Variants in ZNF841 observed in about 807,000 individuals in gnomAD.
ZNF841 encodes TCONS_00006091.
ZNF841 carries 11 observed loss-of-function variants against 13.0 expected under a neutral mutation model. That is an observed-to-expected ratio of 0.85 (90% CI 0.53 to 1.40). ZNF841 has a LOEUF of 1.40. Ranked by LOEUF, ZNF841 falls within the 40% of genes most tolerant of loss-of-function variation. The pLI, the probability that ZNF841 is intolerant of heterozygous loss-of-function variation, is 0.00. For missense variants in ZNF841, 1,068 were observed against 1,139.5 expected (o/e 0.94, Z 0.90); for synonymous variants, 369 against 381.6 (o/e 0.97, Z 0.38).
At chr19:52,067,821 G>A (rs2087630406) in intron 6 of ZNF841, among the ~76,000 whole-genome samples, 2 of 152,072 alleles carry the variant, frequency 1.3e-5, no homozygotes, top group Non-Finnish European at 1.5e-5. Context: ...TTTTAGGAAA[G>A]CCTAGTTTCA....
At chr19:52,087,615 A>G (rs1321415678) in intron 3 of ZNF841, among the ~76,000 whole-genome samples, 2 of 152,200 alleles carry the variant, frequency 1.3e-5, no homozygotes, top group East Asian at 1.9e-4. Flanking sequence ...GCCAGAATGA[A>G]GTCTCTTGTG....
chr19:52,059,995 C>T (rs2087371824), downstream of ZNF841, among the ~76,000 whole-genome samples: 1 of 152,188 alleles, frequency 6.6e-6, no homozygotes, highest in Non-Finnish European at 1.5e-5. Context: ...TACATTAGGT[C>T]AGCACCAAGC....
intron 6 of ZNF841, among the ~76,000 whole-genome samples, chr19:52,072,774 G>A (rs549872902): frequency 2.0e-5 from 3 of 152,210 alleles, no homozygotes; most frequent in African/African-American, 7.2e-5. Context: ...AGCCGAGATT[G>A]CACCACTGCA....
At position 52,065,029 on chromosome 19, in the gene ZNF841, A is replaced by G; in HGVS notation, c.*78T>C. The stretch of plus-strand genomic sequence containing the variant: ...CACCTCCCACTAGGCTCCACCTCCA[A>G]TACTGGAGATTACTACAATTCCACA... On this transcript the variant is annotated 3_prime_UTR_variant, in exon 7 of 7. Transcript: ENST00000594440. 7.7e-7 allele frequency: 1 copy of G among 1,293,242 alleles called. No individual in the cohort carries two copies. 80.1% of individuals were successfully genotyped at this position (1,293,242 alleles called of 1,614,324 possible). A position where few individuals can be genotyped will look rare whatever the true frequency, so the allele number is the denominator to read the frequency against.
chr19:52,075,442 C>G (rs17835749), intron 6 of ZNF841, among the ~76,000 whole-genome samples: 22,731 of 152,102 alleles, frequency 0.15, 2,192 homozygotes, highest in East Asian at 0.38. Context: ...TCAGGAGACC[C>G]AACTCATTCC....
At chr19:52,074,621 A>T (rs56808319) in intron 6 of ZNF841, among the ~76,000 whole-genome samples, 22,399 of 152,036 alleles carry the variant, frequency 0.15, 2,181 homozygotes, top group East Asian at 0.38. Context: ...GATTTGAGAG[A>T]TTCTCCTGCC....
chr19:52,093,222 ATG>A (rs756912859), intron 2 of ZNF841, among the ~76,000 whole-genome samples: 11 of 152,346 alleles, frequency 7.2e-5, no homozygotes, highest in Non-Finnish European at 1.5e-4. Flanking sequence ...ATGAATAAAT[ATG>A]TGTGTATATA....
At chr19:52,078,614 G>A (rs2087987685) in intron 4 of ZNF841, among the ~76,000 whole-genome samples, 1 of 150,254 alleles carries the variant, frequency 6.7e-6, no homozygotes, top group Admixed American at 6.7e-5. Context: ...CAGGAGAATG[G>A]CATGAACCCG....
rs1395618746 is a variant in ZNF841 at position 52,077,076 on chromosome 19, C to T, written c.24G>A (p.Leu8=). The T allele has an allele frequency of 6.2e-7, 1 of 1,608,958 alleles. No individual in the cohort carries two copies. Among genetic ancestry groups the T allele is most frequent in the Admixed American group, 1.7e-5 (1 of 59,040 alleles). MALPQGS[L]TFRDVAVEFS... ...ATTCTACAGCCACATCCCTGAATGTCAAAGATCCCTGAAATGAAAAACACA... is the reference window on the plus strand; with the variant it reads ...ATTCTACAGCCACATCCCTGAATGTTAAAGATCCCTGAAATGAAAAACACA... The change falls in exon 5 of 7, where the codon TTG becomes TTA. Residue 8 remains leucine, a synonymous_variant. Transcript: ENST00000594440.
downstream of ZNF841, among the ~76,000 whole-genome samples, chr19:52,059,572 T>C (rs2087364197): frequency 6.6e-6 from 1 of 151,748 alleles, no homozygotes; most frequent in South Asian, 2.1e-4. Flanking sequence ...TCAACAGGAT[T>C]TTTAAAACAC....
intron 6 of ZNF841, among the ~76,000 whole-genome samples, 167 bp downstream of exon 6, chr19:52,075,877 A>G (rs1361316112): frequency 1.3e-5 from 2 of 152,190 alleles, no homozygotes; most frequent in African/African-American, 2.4e-5. Flanking sequence ...GGAGAGTGAA[A>G]GGTAAAGTTA....
chr19:52,067,115 A>G lies in ZNF841; in HGVS notation c.767T>C (p.Ile256Thr). 1 of 1,578,274 alleles carries G rather than the reference A, an allele frequency of 6.3e-7. No homozygotes were observed. Among genetic ancestry groups the G allele is most frequent in the Non-Finnish European group, 8.6e-7 (1 of 1,160,308 alleles). ...ATTACCTATGTAAGGTTTTTCCCTA[A>G]TATGTGTTTTCTCGTCTTGTGTAGG... is the stretch of plus-strand genomic sequence containing the variant. ...SLPTQDEKTH[I>T]REKPYIGNEC... is the part of the protein sequence containing the mutation. Residue 256 changes from isoleucine (I) to threonine (T), a missense_variant, in exon 7 of 7, where the codon ATT becomes ACT. Transcript: ENST00000594440.
chr19:52,090,063 G>A (rs8112628), intron 2 of ZNF841, among the ~76,000 whole-genome samples: 32,133 of 152,086 alleles, frequency 0.21, 4,736 homozygotes, highest in African/African-American at 0.41. Context: ...AAGGCAGCTG[G>A]GCATTGGCTA....
Position 52,066,719 on chromosome 19 carries a change from A to G in ZNF841, c.1163T>C (p.Leu388Pro), listed in dbSNP as rs1054418419. ...AGTATGAACTGTCTGATGAGTTGCA[A>G]GAGAGGAACTTTGACTAAAGCACTT... ...CGKCFSQSSS[L>P]ATHQTVHTGD... Residue 388 changes from leucine to proline, a missense_variant, in exon 7 of 7, where the codon CTT (leucine) becomes CCT (proline). Physicochemically the swap from Leu to Pro is moderately conservative, Grantham distance 98. Transcript: ENST00000594440. 6.2e-7 allele frequency: 1 copy of G among 1,611,406 alleles called. No individual in the cohort carries two copies. The highest frequency in any genetic ancestry group is 8.5e-7 in the Non-Finnish European group (1 of 1,178,522).
chr19:52,073,065 C>T (rs899086192), intron 6 of ZNF841, among the ~76,000 whole-genome samples: 2 of 152,204 alleles, frequency 1.3e-5, no homozygotes, highest in East Asian at 3.9e-4. Flanking sequence ...ACACCTACAA[C>T]CAACTGATCC....
intron 2 of ZNF841, among the ~76,000 whole-genome samples, chr19:52,090,703 GAAAGAGAA>G (rs1424952903): frequency 2.0e-5 from 3 of 150,152 alleles, no homozygotes; most frequent in Admixed American, 6.7e-5. Context: ...AAGAAAGAAA[GAAAGAGAA>G]AGAAAGAAAG....
rs759036918 is a variant in ZNF841 at position 52,066,984 on chromosome 19, G to A, written c.898C>T (p.Arg300Trp). 2.4e-4 allele frequency: 384 copies of A among 1,614,070 alleles called. 1 individual carries two copies. The Middle Eastern group carries it at 3.5e-3, about 15-fold the overall frequency. Reference sequence around the variant, plus strand: ...TGATGTACTGTTAGTAGTGAGCCCCGATGAAAGGCTTTACCAGACTCATTG... The same window carrying A: ...TGATGTACTGTTAGTAGTGAGCCCCAATGAAAGGCTTTACCAGACTCATTG... ...RCNESGKAFH[R>W]GSLLTVHQIV... The change falls in exon 7 of 7, where the codon CGG becomes TGG. Residue 300 changes from arginine to tryptophan, a missense_variant. Transcript: ENST00000594440.
At chr19:52,078,524 CCT>C (rs1215294999) in intron 4 of ZNF841, among the ~76,000 whole-genome samples, 4 of 151,650 alleles carry the variant, frequency 2.6e-5, no homozygotes, top group Non-Finnish European at 4.4e-5. Flanking sequence ...ACGGTGAAAC[CCT>C]GTCTCTACTA....
At chr19:52,094,399 A>G (rs919531056) in intron 1 of ZNF841, among the ~76,000 whole-genome samples, 2 of 151,890 alleles carry the variant, frequency 1.3e-5, no homozygotes, top group African/African-American at 4.8e-5. Context: ...TCTCATTCTG[A>G]GCGTCTTTTT....
Sources: allele counts gnomAD v4.1 joint callset (sites outside exome capture counted in the v4.1 genomes callset), GRCh38; gene constraint gnomAD v4.1.1; transcripts MANE v1.5; gene names NCBI Gene and HGNC (gene_info 2026-07-23, HGNC 2026-07-21).